The following EHMT1 variants were observed in gnomAD, a reference collection of about 807,000 sequenced individuals.
EHMT1 encodes the protein histone-lysine N-methyltransferase EHMT1.
In EHMT1, 15 loss-of-function variants were observed where a neutral mutation model predicts 147.2. That is an observed-to-expected ratio of 0.10 (90% CI 0.07 to 0.16). EHMT1 has a LOEUF of 0.16. Among genes scored for constraint, EHMT1 ranks in the 10% least tolerant of loss-of-function variants. EHMT1 has a pLI of 1.00. For synonymous variants in EHMT1, 795 were observed against 709.6 expected (o/e 1.12, Z -1.91); for missense variants, 1,587 against 1,772.4 (o/e 0.90, Z 1.88).
chr9:137,626,009 C>T (rs1030460524), intron 1 of EHMT1, among the ~76,000 whole-genome samples: 4 of 150,488 alleles, frequency 2.7e-5, no homozygotes, highest in Non-Finnish European at 5.9e-5. Flanking sequence ...GCATGCACCA[C>T]CAAGCCTGGC....
chr9:137,629,242 A>T (rs1342228227), intron 1 of EHMT1, among the ~76,000 whole-genome samples: 3 of 151,534 alleles, frequency 2.0e-5, no homozygotes, highest in Non-Finnish European at 4.4e-5. Context: ...ACAGGCGCCC[A>T]CCACCATGCC....
intron 1 of EHMT1, among the ~76,000 whole-genome samples, chr9:137,669,364 C>A (rs72765201): frequency 0.087 from 5,188 of 59,814 alleles, 12 homozygotes; most frequent in Non-Finnish European, 0.11. Flanking sequence ...GACGCTCCCA[C>A]AGCACGTGCA....
rs542567356 is a variant in EHMT1, at chr9:137,724,327, C to G, written c.643-4022C>G. Among the ~76,000 whole-genome samples the G allele has an allele frequency of 1.1e-4, 17 of 152,306 alleles. No homozygotes were observed. The East Asian group carries it at 3.3e-3, about 29-fold the overall frequency. On this transcript the variant is annotated intron_variant, in intron 3 of 26. Coordinates refer to ENST00000460843, the MANE Select transcript of EHMT1 (RefSeq NM_024757.5). The stretch of plus-strand genomic sequence containing the variant: ...CCTCAGCGAAGGGGCCTCCCGCCCC[C>G]ACAGGAGGGAAGAGCCTCGGGGAAG...
At chr9:137,757,632 CTA>C (rs1012143510) in intron 8 of EHMT1, among the ~76,000 whole-genome samples, 2 of 152,160 alleles carry the variant, frequency 1.3e-5, no homozygotes, top group Non-Finnish European at 2.9e-5. Context: ...TTGTTTTTGT[CTA>C]TACAGCTTCT....
At chr9:137,716,102 G>GTT (rs1945212221) in intron 2 of EHMT1, among the ~76,000 whole-genome samples, 1 of 66,070 alleles carries the variant, frequency 1.5e-5, no homozygotes, top group Non-Finnish European at 3.1e-5. Flanking sequence ...AGGAAGTTGT[G>GTT]GTGGTGTCAT....
Position 137,787,817 on chromosome 9 carries a change from C to T in EHMT1, c.2383-3031C>T. The T allele has an allele frequency of 1.1e-6, 1 of 927,418 alleles. No individual in the cohort carries two copies. Among genetic ancestry groups the T allele is most frequent in the Non-Finnish European group, 1.8e-6 (1 of 557,334 alleles). The allele number at this position is 927,418 out of a possible 1,614,324, so 57.4% of individuals were successfully genotyped here. Reference sequence around the variant, plus strand: ...CTGGGGGCCCTCAGGTTTCAGGGGCCACCCCCCAGTAGGCAGAGCTGGTTG... The same window carrying T: ...CTGGGGGCCCTCAGGTTTCAGGGGCTACCCCCCAGTAGGCAGAGCTGGTTG... On this transcript the variant is annotated intron_variant, in intron 15 of 26. Transcript: ENST00000460843. This position sits in a 1 kb window ranked among gnomAD's most constrained non-coding sequence, Gnocchi z 4.2.
chr9:137,730,522 C>T (rs1468807993), intron 4 of EHMT1, among the ~76,000 whole-genome samples: 2 of 152,138 alleles, frequency 1.3e-5, no homozygotes, highest in Admixed American at 6.5e-5. Flanking sequence ...AACTCGTGGG[C>T]TCAAGCAGTC....
At chr9:137,675,853 G>A (rs1274647674) in intron 1 of EHMT1, among the ~76,000 whole-genome samples, 1 of 121,786 alleles carries the variant, frequency 8.2e-6, no homozygotes, top group South Asian at 2.7e-4. Flanking sequence ...GCGGGATCTC[G>A]GCTCACTGCA....
chr9:137,656,427 G>A (rs914532094), intron 1 of EHMT1, among the ~76,000 whole-genome samples: 2 of 152,190 alleles, frequency 1.3e-5, no homozygotes, highest in African/African-American at 2.4e-5. Context: ...AGAGACACTG[G>A]AAGGAAATGG....
intron 1 of EHMT1, chr9:137,641,194 G>A: frequency 2.4e-6 from 1 of 418,128 alleles, no homozygotes; most frequent in Non-Finnish European, 4.7e-6. Flanking sequence ...ACCAGGTGAA[G>A]AACCTGTCTG....
At chr9:137,697,168 C>G (rs1308038183) in intron 1 of EHMT1, 1 of 351,768 alleles carries the variant, frequency 2.8e-6, no homozygotes, top group Admixed American at 3.0e-5. Flanking sequence ...GTAATCCCAG[C>G]TACTTGGGAG....
At position 137,780,723 on chromosome 9, in the gene EHMT1, A is replaced by G. The variant is rs1254928163; in HGVS notation, c.2275+1006A>G. Among the ~76,000 whole-genome samples, 2 of 101,728 alleles carry G rather than the reference A, an allele frequency of 2.0e-5. 1 individual carries two copies. Among genetic ancestry groups the G allele is most frequent in the African/African-American group, 9.6e-5 (2 of 20,770 alleles). 66.7% of individuals were successfully genotyped at this position (101,728 alleles called of 152,430 possible). On this transcript the variant is annotated intron_variant, in intron 14 of 26. Coordinates refer to ENST00000460843, the MANE Select transcript of EHMT1 (RefSeq NM_024757.5). ...CGAGACGTGTGGTGATGACGCCGGT[A>G]TGTGTGGTGATGACACTGGGATGTG...
intron 1 of EHMT1, among the ~76,000 whole-genome samples, chr9:137,688,991 A>G (rs1048005839): frequency 5.3e-5 from 8 of 152,128 alleles, no homozygotes; most frequent in Admixed American, 2.6e-4. Flanking sequence ...ACTGACAGTG[A>G]CTGCTTGTTC....
At chr9:137,688,144 C>T (rs1315638075) in intron 1 of EHMT1, among the ~76,000 whole-genome samples, 3 of 152,190 alleles carry the variant, frequency 2.0e-5, no homozygotes, top group Non-Finnish European at 4.4e-5. Context: ...CTGCCTCAGC[C>T]TCCCAAGTAA....
chr9:137,768,200 T>A (rs1950335688), intron 10 of EHMT1, among the ~76,000 whole-genome samples: 2 of 152,212 alleles, frequency 1.3e-5, no homozygotes, highest in South Asian at 4.1e-4. Context: ...ACGTGAGACA[T>A]GACTGCATCA....
intron 16 of EHMT1, among the ~76,000 whole-genome samples, chr9:137,794,804 A>G (rs1338800706): frequency 6.6e-6 from 1 of 152,164 alleles, no homozygotes; most frequent in East Asian, 1.9e-4. Context: ...AGAATCCTAC[A>G]TCCAGTAAAC....
At chr9:137,687,199 C>T (rs1323096343) in intron 1 of EHMT1, among the ~76,000 whole-genome samples, 1 of 152,130 alleles carries the variant, frequency 6.6e-6, no homozygotes. Context: ...TGACTTTTTG[C>T]CAGTAACACA....
At chr9:137,681,900 C>T (rs771278499) in intron 1 of EHMT1, among the ~76,000 whole-genome samples, 5 of 152,176 alleles carry the variant, frequency 3.3e-5, no homozygotes, top group South Asian at 2.1e-4. Flanking sequence ...GTCACTGATG[C>T]GGGAAGCTCT....
At chr9:137,832,002 C>T (rs1007848782) in intron 25 of EHMT1, among the ~76,000 whole-genome samples, 31 of 151,238 alleles carry the variant, frequency 2.0e-4, no homozygotes, top group Admixed American at 1.8e-3. Context: ...CCACAGGCTC[C>T]GCCTCCTACG....
Sources: allele counts gnomAD v4.1 joint callset (sites outside exome capture counted in the v4.1 genomes callset), GRCh38; gene constraint gnomAD v4.1.1; non-coding constraint Gnocchi (gnomAD v3.1); transcripts MANE v1.5; gene names NCBI Gene and HGNC (gene_info 2026-07-23, HGNC 2026-07-21).